The following CSMD1 variants were observed in gnomAD, a reference collection of about 807,000 sequenced individuals.
The protein encoded by CSMD1 is CUB and Sushi multiple domains 1, also known as CUB and sushi domain-containing protein 1.
A neutral mutation model predicts 417.5 loss-of-function variants in CSMD1; 213 were observed. The observed-to-expected ratio is 0.51, with a 90% CI of 0.46 to 0.57. CSMD1 has a LOEUF of 0.57. Ranked by LOEUF, CSMD1 falls within the 20% of genes least tolerant of loss-of-function variation. CSMD1 has a pLI of 0.00. For missense variants in CSMD1, 6,923 were observed against 4,529.7 expected (o/e 1.53, Z -15.17); for synonymous variants, 2,862 against 1,736.8 (o/e 1.65, Z -16.11).
At position 2,938,600 on chromosome 8, in the gene CSMD1, G is replaced by C. The variant is rs372725413; in HGVS notation, c.10680C>G (p.Val3560=). 43 of 1,611,994 alleles carry C rather than the reference G, an allele frequency of 2.7e-5. No individual in the cohort carries two copies. Among genetic ancestry groups the C allele is most frequent in the Non-Finnish European group, 3.5e-5 (41 of 1,179,134 alleles). The part of the protein sequence containing the change: ...AVRFDTTLNT[V]CTVV The stretch of plus-strand genomic sequence containing the variant: ...GCACTGAGGGCTATACCACTGTACA[G>C]ACTGTGTTCAGAGTTGTGTCAAACC... The change falls in exon 70 of 70, where the codon GTC becomes GTG. Residue 3560 remains valine, a synonymous_variant. Transcript: ENST00000635120.
chr8:3,524,809 T>C (rs560415251), intron 10 of CSMD1, among the ~76,000 whole-genome samples: 3 of 150,760 alleles, frequency 2.0e-5, no homozygotes, highest in South Asian at 4.2e-4. Flanking sequence ...AGTACACACA[T>C]GCACAGACAC....
At chr8:3,700,272 AT>A (rs891661279) in intron 7 of CSMD1, among the ~76,000 whole-genome samples, 1 of 152,148 alleles carries the variant, frequency 6.6e-6, no homozygotes, top group African/African-American at 2.4e-5. Flanking sequence ...ACGAAAAATA[AT>A]TTTTTACAAA....
chr8:4,437,393 C>G (rs778258436), intron 2 of CSMD1, among the ~76,000 whole-genome samples: 6 of 152,260 alleles, frequency 3.9e-5, no homozygotes, highest in Admixed American at 1.3e-4. Flanking sequence ...TTACTGTAAT[C>G]ATGACTAGCA....
At chr8:4,289,570 C>T (rs1025071026) in intron 3 of CSMD1, among the ~76,000 whole-genome samples, 7 of 152,160 alleles carry the variant, frequency 4.6e-5, no homozygotes, top group African/African-American at 1.7e-4. Context: ...CAGAATTCAT[C>T]ACATTTTGTC....
intron 2 of CSMD1, among the ~76,000 whole-genome samples, chr8:4,445,383 C>T (rs575968774): frequency 8.3e-4 from 126 of 152,278 alleles, no homozygotes; most frequent in African/African-American, 2.9e-3. Context: ...AGGAGCTCAA[C>T]AAATTCTATG....
rs1420966285 is a variant in CSMD1 at position 3,119,376 on chromosome 8, T to C, written c.6242-789A>G. The stretch of plus-strand genomic sequence containing the variant: ...GGAAAATCCATTGCAGTTTTTTTAG[T>C]CTTTTTCTAAAAAAAAAAAAAAAAA... On this transcript the variant is annotated intron_variant, in intron 41 of 69. Coordinates refer to ENST00000635120, the MANE Select transcript of CSMD1 (RefSeq NM_033225.6). Among the ~76,000 whole-genome samples, 8 of 131,600 alleles carry C rather than the reference T, an allele frequency of 6.1e-5. 1 individual carries two copies. In the East Asian group the frequency reaches 1.9e-3, roughly 31 times the overall value. 86.3% of individuals were successfully genotyped at this position (131,600 alleles called of 152,430 possible). A position where few individuals can be genotyped will look rare whatever the true frequency, so the allele number is the denominator to read the frequency against.
At chr8:3,922,216 C>A (rs896894156) in intron 5 of CSMD1, among the ~76,000 whole-genome samples, 3 of 152,170 alleles carry the variant, frequency 2.0e-5, no homozygotes, top group African/African-American at 7.2e-5. Flanking sequence ...TTTTTAACCA[C>A]TTGCATAAAA....
chr8:3,394,990 T>G (rs377598319), intron 17 of CSMD1, among the ~76,000 whole-genome samples: 1 of 152,284 alleles, frequency 6.6e-6, no homozygotes. Flanking sequence ...TATACTTATA[T>G]GAGTATGTAA....
At chr8:4,952,888 GT>G (rs1466128527) in intron 1 of CSMD1, among the ~76,000 whole-genome samples, 2 of 152,122 alleles carry the variant, frequency 1.3e-5, no homozygotes, top group African/African-American at 4.8e-5. Context: ...GTTAACAAAT[GT>G]TTTTGAATGA....
At chr8:3,910,615 A>C (rs1808401649) in intron 5 of CSMD1, among the ~76,000 whole-genome samples, 1 of 152,206 alleles carries the variant, frequency 6.6e-6, no homozygotes, top group Non-Finnish European at 1.5e-5. Context: ...AAGACAGATG[A>C]TTTTAATATA....
At chr8:3,127,892 G>GAGGAAGGAAGGAAGGA (rs1395599202) in intron 41 of CSMD1, 1 of 117,626 alleles carries the variant, frequency 8.5e-6, no homozygotes, top group Non-Finnish European at 1.7e-5. Context: ...GGGAGGGAGG[G>GAGGAAGGAAGGAAGGA]AGGAATGAAG....
At chr8:3,161,692 T>C (rs1291489772) in intron 38 of CSMD1, among the ~76,000 whole-genome samples, 1 of 151,770 alleles carries the variant, frequency 6.6e-6, no homozygotes, top group Non-Finnish European at 1.5e-5. Flanking sequence ...AAACTTCTAC[T>C]TAATAGTTTT....
chr8:4,926,812 T>G (rs1011094193), intron 1 of CSMD1, among the ~76,000 whole-genome samples: 12 of 152,152 alleles, frequency 7.9e-5, no homozygotes, highest in Non-Finnish European at 1.6e-4. Context: ...TATTTTGTGT[T>G]TGAATATCTA....
At chr8:4,867,353 C>G (rs780478593) in intron 1 of CSMD1, among the ~76,000 whole-genome samples, 9 of 151,980 alleles carry the variant, frequency 5.9e-5, no homozygotes, top group Non-Finnish European at 1.2e-4. Context: ...TAATTTCTTT[C>G]CTCTTTAAAT....
At chr8:4,490,807 T>C (rs953343859) in intron 2 of CSMD1, among the ~76,000 whole-genome samples, 1 of 152,234 alleles carries the variant, frequency 6.6e-6, no homozygotes, top group African/African-American at 2.4e-5. Flanking sequence ...TAGGTGTTTC[T>C]GTTTTCTCAC....
intron 1 of CSMD1, among the ~76,000 whole-genome samples, chr8:4,906,489 T>C (rs1171506900): frequency 8.5e-6 from 1 of 118,050 alleles, no homozygotes; most frequent in African/African-American, 3.2e-5. Flanking sequence ...TCCTCTTACA[T>C]GATTTCACAC....
At chr8:3,693,354 G>C (rs981155254) in intron 7 of CSMD1, among the ~76,000 whole-genome samples, 2 of 152,154 alleles carry the variant, frequency 1.3e-5, no homozygotes, top group African/African-American at 2.4e-5. Context: ...AGATGTCCAA[G>C]AAATGATAAA....
intron 5 of CSMD1, among the ~76,000 whole-genome samples, chr8:3,909,179 G>C (rs1480730385): frequency 6.6e-6 from 1 of 152,174 alleles, no homozygotes; most frequent in African/African-American, 2.4e-5. Flanking sequence ...TCAGGCTGTA[G>C]CTAAGATTTG....
intron 3 of CSMD1, among the ~76,000 whole-genome samples, chr8:4,400,662 A>G (rs563793628): frequency 3.8e-4 from 58 of 151,732 alleles, no homozygotes; most frequent in African/African-American, 1.2e-3. Flanking sequence ...AATACAACCC[A>G]TATTTTAGGC....
Sources: gnomAD v4.1 joint callset for allele counts (sites outside exome capture counted in the v4.1 genomes callset) on GRCh38, gnomAD v4.1.1 for gene constraint, MANE v1.5 for transcripts, NCBI Gene and HGNC (gene_info 2026-07-23, HGNC 2026-07-21) for gene names.